ZNF410: variants seen among roughly 807,000 people sequenced by gnomAD.
The protein encoded by ZNF410 is zinc finger protein 410, also known as another partner for ARF 1.
In ZNF410, 18 loss-of-function variants were observed where a neutral mutation model predicts 54.8. That is an observed-to-expected ratio of 0.33 (90% CI 0.23 to 0.49). The LOEUF (loss-of-function observed/expected upper bound fraction) is 0.49. ZNF410 is among the 20% of genes least tolerant of loss of function. The pLI, the probability that ZNF410 is intolerant of heterozygous loss-of-function variation, is 0.99. For synonymous variants in ZNF410, 191 were observed against 207.3 expected (o/e 0.92, Z 0.68); for missense variants, 405 against 569.6 (o/e 0.71, Z 2.94).
At chr14:73,931,027 A>G (rs961322953) in intron 11 of ZNF410, among the ~76,000 whole-genome samples, 2 of 152,200 alleles carry the variant, frequency 1.3e-5, no homozygotes, top group Admixed American at 6.5e-5. Flanking sequence ...TAGGCTTATC[A>G]TTCTTTTAAG....
chr14:73,902,137 C>T (rs375028845), intron 5 of ZNF410: 3 of 148,910 alleles, frequency 2.0e-5, no homozygotes, highest in South Asian at 2.2e-4. Flanking sequence ...GGCGCGATCT[C>T]GGCTCACTGC....
intron 6 of ZNF410, 107 bp from the exon 7 acceptor site, chr14:73,904,795 C>T: frequency 8.0e-7 from 1 of 1,243,824 alleles, no homozygotes; most frequent in Non-Finnish European, 1.1e-6. Context: ...CTGATATATC[C>T]AGTTTTTGGA....
chr14:73,916,409 G>A (rs1304050460), intron 8 of ZNF410: 1 of 152,136 alleles, frequency 6.6e-6, no homozygotes, highest in Non-Finnish European at 1.5e-5. Flanking sequence ...TTGAACTCTT[G>A]GCCTCCAGTG....
intron 11 of ZNF410, among the ~76,000 whole-genome samples, chr14:73,926,386 T>TTC (rs1196198004): frequency 1.3e-5 from 2 of 151,976 alleles, no homozygotes; most frequent in African/African-American, 4.8e-5. Flanking sequence ...AGTCCTTTTT[T>TTC]TTCAGTATGG....
intron 8 of ZNF410, among the ~76,000 whole-genome samples, chr14:73,910,355 G>T (rs1377029584): frequency 6.6e-6 from 1 of 152,188 alleles, no homozygotes; most frequent in Non-Finnish European, 1.5e-5. Context: ...CCCAGTGGAA[G>T]AATCTGTTCA....
intron 7 of ZNF410, chr14:73,905,570 T>C (rs1183175485): frequency 6.6e-6 from 1 of 152,586 alleles, no homozygotes; most frequent in Non-Finnish European, 1.5e-5. Context: ...AATAGAGAAG[T>C]GAATTATTCT....
At chr14:73,905,942 T>C (rs917749278) in intron 7 of ZNF410, among the ~76,000 whole-genome samples, 3 of 89,468 alleles carry the variant, frequency 3.4e-5, no homozygotes, top group African/African-American at 1.9e-4. Context: ...CATACATATA[T>C]ATACACACAC....
At chr14:73,928,547 C>T (rs2055867377) in intron 11 of ZNF410, among the ~76,000 whole-genome samples, 2 of 152,064 alleles carry the variant, frequency 1.3e-5, no homozygotes, top group African/African-American at 4.8e-5. Context: ...ACATTTGTTC[C>T]CTAGAACCTA....
At chr14:73,897,833 G>T (rs1308723189) in intron 4 of ZNF410, among the ~76,000 whole-genome samples, 2 of 151,982 alleles carry the variant, frequency 1.3e-5, no homozygotes, top group Non-Finnish European at 2.9e-5. Flanking sequence ...TTAGCCGGGC[G>T]TGGTGGTGCA....
chr14:73,896,207 T>G, intron 3 of ZNF410, 109 bp from the exon 4 acceptor site: 1 of 742,948 alleles, frequency 1.3e-6, no homozygotes, highest in South Asian at 1.8e-5. Flanking sequence ...GAATGCTGTC[T>G]GTTGCTATAA....
intron 4 of ZNF410, 180 bp downstream of exon 4, chr14:73,896,714 C>G: frequency 1.7e-6 from 1 of 599,490 alleles, no homozygotes; most frequent in Non-Finnish European, 2.9e-6. Flanking sequence ...TAGTATGACT[C>G]ATATCTTGTT....
chr14:73,924,734 T>G, intron 11 of ZNF410: 2 of 438,040 alleles, frequency 4.6e-6, no homozygotes, highest in South Asian at 3.3e-5. Context: ...TGGAGTGCAG[T>G]GGTGCGTTCT....
At chr14:73,910,776 A>C in intron 8 of ZNF410, among the ~76,000 whole-genome samples, 1 of 136,986 alleles carries the variant, frequency 7.3e-6, no homozygotes, top group South Asian at 2.4e-4. Context: ...AAAAAAAAGC[A>C]TGGTAGTTTC....
At chr14:73,931,144 T>G (rs1167478393) in intron 11 of ZNF410, among the ~76,000 whole-genome samples, 1 of 152,186 alleles carries the variant, frequency 6.6e-6, no homozygotes, top group African/African-American at 2.4e-5. Context: ...GCCTTCAGCC[T>G]ATCCTTTGGC....
chr14:73,907,281 T>C (rs909606452), intron 7 of ZNF410, among the ~76,000 whole-genome samples: 1 of 152,136 alleles, frequency 6.6e-6, no homozygotes, highest in Admixed American at 6.6e-5. Flanking sequence ...ACCTCAAAGC[T>C]TTATTAGTAG....
At chr14:73,916,030 AG>A (rs1285994338) in intron 8 of ZNF410, 2 of 152,118 alleles carry the variant, frequency 1.3e-5, no homozygotes, top group East Asian at 3.9e-4. Flanking sequence ...GCTTGGGCCT[AG>A]GAGTTCTGGA....
rs114996952 is a variant in ZNF410 at position 73,921,469 on chromosome 14, G to A, written c.1129+364G>A. ...CACAGTGATAAAAGATTTCCACATGGGAAGAGTTTAAGCTTTTTAATTTTT... is the reference window on the plus strand; with the variant it reads ...CACAGTGATAAAAGATTTCCACATGAGAAGAGTTTAAGCTTTTTAATTTTT... On this transcript the variant is annotated intron_variant, in intron 9 of 11. Coordinates refer to ENST00000555044, the MANE Select transcript of ZNF410 (RefSeq NM_021188.3). 5.6e-3 allele frequency: 947 copies of A among 170,450 alleles called. 4 individuals are homozygous for A. The highest frequency in any genetic ancestry group is 0.021 in the African/African-American group (897 of 41,894). The allele number at this position is 170,450 out of a possible 1,614,324, so 10.6% of individuals were successfully genotyped here.
intron 8 of ZNF410, among the ~76,000 whole-genome samples, chr14:73,915,122 T>C: frequency 6.6e-6 from 1 of 150,376 alleles, no homozygotes; most frequent in African/African-American, 2.4e-5. Context: ...ATTATCCAGG[T>C]GTGGTAGCTC....
chr14:73,914,581 A>G (rs895149085), intron 8 of ZNF410: 7 of 147,902 alleles, frequency 4.7e-5, no homozygotes, highest in Admixed American at 6.7e-5. Context: ...CAGCCTTCCA[A>G]TGTCGGGATG....
Sources: gnomAD v4.1 joint callset for allele counts (sites outside exome capture counted in the v4.1 genomes callset) on GRCh38, gnomAD v4.1.1 for gene constraint, MANE v1.5 for transcripts, NCBI Gene and HGNC (gene_info 2026-07-23, HGNC 2026-07-21) for gene names.